Variants in EYS observed in about 807,000 individuals in gnomAD.
EYS encodes protein eyes shut homolog.
EYS carries 250 observed loss-of-function variants against 282.1 expected under a neutral mutation model. The ratio of observed to expected loss-of-function variants is 0.89; its 90% confidence interval spans 0.80 to 0.98. The LOEUF (loss-of-function observed/expected upper bound fraction) is 0.98. EYS is among the 50% of genes least tolerant of loss of function. The probability of loss-of-function intolerance (pLI) is 0.00; values close to 1 mark genes in which losing one functional copy is unlikely to be tolerated. For synonymous variants in EYS, 1,355 were observed against 1,282.9 expected (o/e 1.06, Z -1.20); for missense variants, 4,016 against 3,709.0 (o/e 1.08, Z -2.15).
chr6:64,148,907 G>A (rs1774611059), intron 31 of EYS, among the ~76,000 whole-genome samples: 1 of 152,018 alleles, frequency 6.6e-6, no homozygotes, highest in South Asian at 2.1e-4. Context: ...TTCATTTGAT[G>A]AAAAAACCCA....
At chr6:63,886,746 T>C (rs1356969407) in intron 35 of EYS, among the ~76,000 whole-genome samples, 1 of 152,140 alleles carries the variant, frequency 6.6e-6, no homozygotes, top group African/African-American at 2.4e-5. Context: ...TGGCGATATA[T>C]TATGAAAAGT....
At chr6:64,261,009 T>C (rs1019183468) in intron 30 of EYS, among the ~76,000 whole-genome samples, 9 of 78,822 alleles carry the variant, frequency 1.1e-4, no homozygotes, top group Admixed American at 5.1e-4. Context: ...TCAGCACTTA[T>C]CATTTTTTTG....
chr6:64,821,868 G>A (rs560842909), intron 20 of EYS, 145 bp from the exon 21 acceptor site: 3 of 473,408 alleles, frequency 6.3e-6, no homozygotes, highest in Admixed American at 4.1e-5. Flanking sequence ...TTTATTCCTG[G>A]GTTTCTTATC....
chr6:64,050,139 A>G (rs1044533037), intron 33 of EYS, among the ~76,000 whole-genome samples: 1 of 152,154 alleles, frequency 6.6e-6, no homozygotes, highest in Non-Finnish European at 1.5e-5. Flanking sequence ...TCTTTAACAG[A>G]GATATATTTA....
In EYS at chr6:65,577,043, T is replaced by C. The variant is rs193168262; in HGVS notation, c.-333+62735A>G. ...AATTTACATCAAAATTTCAATGACATTTTTCACAAAAATAGACAAAATAAT... is the reference window on the plus strand; with the variant it reads ...AATTTACATCAAAATTTCAATGACACTTTTCACAAAAATAGACAAAATAAT... On this transcript the variant is annotated intron_variant, in intron 2 of 42. Coordinates refer to ENST00000503581, the MANE Select transcript of EYS (RefSeq NM_001142800.2). 3.4e-3 allele frequency among the ~76,000 whole-genome samples: 510 copies of C among 151,868 alleles called. 2 individuals carry two copies. The highest frequency in any genetic ancestry group is 0.012 in the African/African-American group (491 of 41,502).
intron 22 of EYS, among the ~76,000 whole-genome samples, chr6:64,753,023 A>T (rs1772814249): frequency 6.6e-6 from 1 of 152,148 alleles, no homozygotes; most frequent in African/African-American, 2.4e-5. Flanking sequence ...ATGAAGGAGA[A>T]ATAGTCTTTT....
chr6:65,230,746 C>A lies in EYS; in HGVS notation c.2023+65117G>T, dbSNP rs139869876. Among the ~76,000 whole-genome samples, 399 of 151,558 alleles carry A rather than the reference C, an allele frequency of 2.6e-3. 2 individuals are homozygous for A. Among genetic ancestry groups the A allele is most frequent in the African/African-American group, 9.0e-3 (371 of 41,432 alleles). On this transcript the variant is annotated intron_variant, in intron 12 of 42. Transcript: ENST00000503581. The stretch of plus-strand genomic sequence containing the variant: ...CATATCTTTTTTCAGAGAGTAAGGC[C>A]TGAAATTTGTCTGGAATATCCCTCT...
At chr6:64,369,615 G>A (rs970603082) in intron 29 of EYS, among the ~76,000 whole-genome samples, 9 of 152,126 alleles carry the variant, frequency 5.9e-5, no homozygotes, top group African/African-American at 1.7e-4. Flanking sequence ...TCATTTAGAA[G>A]TCTTTCACCT....
chr6:64,395,021 A>G (rs1396488418), intron 28 of EYS, among the ~76,000 whole-genome samples: 1 of 152,236 alleles, frequency 6.6e-6, no homozygotes, highest in Non-Finnish European at 1.5e-5. Context: ...GCCAACAGAC[A>G]CATGAAAAAA....
At chr6:64,520,471 T>C (rs1777699199) in intron 26 of EYS, among the ~76,000 whole-genome samples, 1 of 151,802 alleles carries the variant, frequency 6.6e-6, no homozygotes, top group Non-Finnish European at 1.5e-5. Context: ...AGACTTCTTC[T>C]CTGTAGGGGG....
At chr6:64,164,845 C>G (rs1419243365) in intron 31 of EYS, among the ~76,000 whole-genome samples, 1 of 152,062 alleles carries the variant, frequency 6.6e-6, no homozygotes, top group African/African-American at 2.4e-5. Flanking sequence ...TTTAAGCAGA[C>G]AAAATAATTC....
chr6:65,608,264 T>C (rs554157590), intron 2 of EYS, among the ~76,000 whole-genome samples: 2 of 152,108 alleles, frequency 1.3e-5, no homozygotes, highest in South Asian at 4.1e-4. Flanking sequence ...TGGAGACAAC[T>C]GTATCACATG....
chr6:64,539,120 G>T (rs1021238099), intron 26 of EYS, among the ~76,000 whole-genome samples: 2 of 152,172 alleles, frequency 1.3e-5, no homozygotes, highest in Non-Finnish European at 2.9e-5. Context: ...TGCAGTTGTT[G>T]TTTAATGGGT....
Position 65,402,610 on chromosome 6 carries a change from G to A in EYS, c.1057-5C>T. ...TGAACAGATGCACATAACATCCTAG[G>A]AAAGATTAAAAAAATATTTTTACAA... is the stretch of plus-strand genomic sequence containing the variant. On this transcript the variant is annotated splice_polypyrimidine_tract_variant and splice_region_variant and intron_variant, in intron 6 of 42. Coordinates refer to ENST00000503581, the MANE Select transcript of EYS (RefSeq NM_001142800.2). 1 of 1,563,810 alleles carries A rather than the reference G, an allele frequency of 6.4e-7. No individual in the cohort carries two copies. Among genetic ancestry groups the A allele is most frequent in the Non-Finnish European group, 8.8e-7 (1 of 1,136,384 alleles).
chr6:64,386,474 G>A (rs1772914699), intron 29 of EYS, among the ~76,000 whole-genome samples: 1 of 152,036 alleles, frequency 6.6e-6, no homozygotes, highest in African/African-American at 2.4e-5. Flanking sequence ...TTCACTACCA[G>A]GAGAACAGTA....
chr6:64,213,329 A>G (rs1643744142), intron 31 of EYS, among the ~76,000 whole-genome samples: 3 of 152,174 alleles, frequency 2.0e-5, no homozygotes, highest in Non-Finnish European at 4.4e-5. Context: ...CTATAATCTG[A>G]GTCATGAGCT....
At chr6:64,593,828 T>C (rs1453099461) in intron 24 of EYS, among the ~76,000 whole-genome samples, 1 of 152,168 alleles carries the variant, frequency 6.6e-6, no homozygotes, top group Non-Finnish European at 1.5e-5. Context: ...GAAAAGGCTA[T>C]TTCTACCATA....
chr6:65,614,633 C>T lies in EYS; in HGVS notation c.-333+25145G>A, dbSNP rs537335093. 5.4e-4 allele frequency among the ~76,000 whole-genome samples: 82 copies of T among 152,150 alleles called. 2 individuals carry two copies. The highest frequency in any genetic ancestry group is 1.5e-3 in the African/African-American group (61 of 41,544). On this transcript the variant is annotated intron_variant, in intron 2 of 42. Coordinates refer to ENST00000503581, the MANE Select transcript of EYS (RefSeq NM_001142800.2). ...ACTAGGTGTACTTAAAATGGATCTACATAGGTTTAATCTACTTGGCAAGAA... is the reference window on the plus strand; with the variant it reads ...ACTAGGTGTACTTAAAATGGATCTATATAGGTTTAATCTACTTGGCAAGAA...
At chr6:64,018,772 T>G (rs969251381) in intron 33 of EYS, among the ~76,000 whole-genome samples, 38 of 116,070 alleles carry the variant, frequency 3.3e-4, no homozygotes, top group African/African-American at 8.4e-4. Flanking sequence ...TTTTTTTTTT[T>G]TTTTTTTTTT....
Sources: gnomAD v4.1 joint callset for allele counts (sites outside exome capture counted in the v4.1 genomes callset) on GRCh38, gnomAD v4.1.1 for gene constraint, MANE v1.5 for transcripts, NCBI Gene and HGNC (gene_info 2026-07-23, HGNC 2026-07-21) for gene names.